Variants in SS18 observed in about 807,000 individuals in gnomAD.
The protein encoded by SS18 is SS18 subunit of BAF chromatin remodeling complex, also known as protein SSXT.
A neutral mutation model predicts 72.5 loss-of-function variants in SS18; 28 were observed. The ratio of observed to expected loss-of-function variants is 0.39; its 90% CI spans 0.29 to 0.53. The LOEUF is 0.53. Among genes scored for constraint, SS18 ranks in the 20% least tolerant of loss-of-function variants. The pLI, the probability that SS18 is intolerant of heterozygous loss-of-function variation, is 0.76. For missense variants in SS18, 518 were observed against 535.3 expected, an observed-to-expected ratio of 0.97 and a Z score of 0.32; for synonymous variants, 172 against 164.2, an observed-to-expected ratio of 1.05 and a Z score of -0.37.
At chr18:26,065,800 C>CATATCCATATATATATAT (rs1555651138) in intron 3 of SS18, among the ~76,000 whole-genome samples, 2 of 55,578 alleles carry the variant, frequency 3.6e-5, no homozygotes, top group Non-Finnish European at 4.4e-5. Flanking sequence ...CCTACAAATC[C>CATATCCATATATATATAT]ATATATATAT....
rs1363595667 is a variant in SS18 at position 26,016,372 on chromosome 18, T to C, written c.*1982A>G. The C allele has an allele frequency of 1.1e-5, 2 of 183,680 alleles. No individual in the cohort carries two copies. The highest frequency in any genetic ancestry group is 4.7e-5 in the African/African-American group (2 of 42,666). 11.4% of individuals were successfully genotyped at this position (183,680 alleles called of 1,614,324 possible). The stretch of plus-strand genomic sequence containing the variant: ...AAGCATTTCAATCACAATAAGGCTG[T>C]CCATGATTTATCTGTTCAAACTTGA... On this transcript the variant is annotated 3_prime_UTR_variant, in exon 11 of 11. Transcript: ENST00000415083.
intron 3 of SS18, among the ~76,000 whole-genome samples, chr18:26,060,803 A>AAAAAAAAC: frequency 1.5e-5 from 2 of 137,914 alleles, no homozygotes; most frequent in East Asian, 2.1e-4. Context: ...AAAAAAAAAA[A>AAAAAAAAC]AAATCAGCCA....
In SS18 at chr18:26,019,656, C is replaced by G. The variant is rs148337414; in HGVS notation, c.1231-1276G>C. 5.6e-3 allele frequency among the ~76,000 whole-genome samples: 855 copies of G among 151,718 alleles called. 11 individuals are homozygous for G. Among genetic ancestry groups the G allele is most frequent in the African/African-American group, 0.019 (807 of 41,400 alleles). On this transcript the variant is annotated intron_variant, in intron 10 of 10. Transcript: ENST00000415083. ...TGAAACCCCGTCTTTACTAAAAATA[C>G]AAAAATTAGCTGGGCGTGGTGGCGC... is the stretch of plus-strand genomic sequence containing the variant.
intron 2 of SS18, chr18:26,078,981 A>G (rs562673457): frequency 6.6e-6 from 1 of 152,372 alleles, no homozygotes; most frequent in East Asian, 1.9e-4. Flanking sequence ...ATGTTCTGCT[A>G]AAATTTAGGA....
At chr18:26,040,291 G>A (rs113301949) in intron 5 of SS18, among the ~76,000 whole-genome samples, 2,317 of 152,218 alleles carry the variant, frequency 0.015, 63 homozygotes, top group African/African-American at 0.053. Flanking sequence ...AATAAACAAT[G>A]GCCATAAAGT....
chr18:26,076,409 A>G (rs934873744), intron 3 of SS18, among the ~76,000 whole-genome samples: 2 of 151,970 alleles, frequency 1.3e-5, no homozygotes, highest in Non-Finnish European at 2.9e-5. Context: ...GCATGACAAA[A>G]TATCTTGTTT....
At chr18:26,080,410 GT>G in intron 2 of SS18, 1 of 985,208 alleles carries the variant, frequency 1.0e-6, no homozygotes, top group Admixed American at 6.1e-5. Context: ...AACAGATGTG[GT>G]TTATTCATGA....
chr18:26,063,531 T>A (rs546498573), intron 3 of SS18, among the ~76,000 whole-genome samples: 92 of 151,778 alleles, frequency 6.1e-4, no homozygotes, highest in Admixed American at 2.6e-3. Flanking sequence ...AAGAAAAAAA[T>A]AATAATAATA....
At chr18:26,074,164 T>C (rs1301323592) in intron 3 of SS18, among the ~76,000 whole-genome samples, 1 of 152,136 alleles carries the variant, frequency 6.6e-6, no homozygotes. Flanking sequence ...AGTAAACTTA[T>C]ACTTTCCAAA....
chr18:26,090,152 G>T (rs914403421), intron 1 of SS18: 14 of 275,254 alleles, frequency 5.1e-5, no homozygotes, highest in Non-Finnish European at 7.4e-5. Context: ...GGAGCAACGC[G>T]CGGGGCCGCC....
rs1200524698 is a variant in SS18 at position 26,016,509 on chromosome 18, G to T, written c.*1845C>A. ...AGGCCGAGGCGGGTGGATCACCTGA[G>T]GTCAGGAGTTCGAGACCAGCCTGGC... On this transcript the variant is annotated 3_prime_UTR_variant, in exon 11 of 11. Coordinates refer to ENST00000415083, the MANE Select transcript of SS18 (RefSeq NM_001007559.3). 1 of 180,480 alleles carries T rather than the reference G, an allele frequency of 5.5e-6. No homozygotes were observed. Among genetic ancestry groups the T allele is most frequent in the Non-Finnish European group, 1.2e-5 (1 of 84,404 alleles). The allele number at this position is 180,480 out of a possible 1,614,324, so 11.2% of individuals were successfully genotyped here.
chr18:26,064,982 T>C (rs932380040), intron 3 of SS18: 2 of 152,110 alleles, frequency 1.3e-5, no homozygotes, highest in Non-Finnish European at 2.9e-5. Flanking sequence ...ATTTAAAAAC[T>C]GATGGCATAA....
chr18:26,035,208 C>A lies in SS18; in HGVS notation c.974-81G>T. 2 of 1,447,106 alleles carry A rather than the reference C, an allele frequency of 1.4e-6. No homozygotes were observed. Among genetic ancestry groups the A allele is most frequent in the Non-Finnish European group, 1.9e-6 (2 of 1,067,890 alleles). The allele number at this position is 1,447,106 out of a possible 1,614,324, so 89.6% of individuals were successfully genotyped here. ...TTTTCCCTCTAAGATGCATAGCCAACAACACAAGAACAAAATGAAATGCCA... is the reference window on the plus strand; with the variant it reads ...TTTTCCCTCTAAGATGCATAGCCAAAAACACAAGAACAAAATGAAATGCCA... On this transcript the variant is annotated intron_variant, in intron 8 of 10. Transcript: ENST00000415083. This position sits in a 1 kb window ranked among gnomAD's most constrained non-coding sequence, Gnocchi z 4.4.
At chr18:26,034,896 A>G in intron 9 of SS18, 109 bp downstream of exon 9, 1 of 1,398,218 alleles carries the variant, frequency 7.2e-7, no homozygotes, top group Non-Finnish European at 9.5e-7. Context: ...CTAAAACTGA[A>G]TTTTCAAGTG....
rs552995006 is a variant in SS18 at position 26,017,398 on chromosome 18, G to A, written c.*956C>T. The A allele has an allele frequency of 3.1e-5, 6 of 192,376 alleles. No individual in the cohort carries two copies. The highest frequency in any genetic ancestry group is 6.5e-5 in the Non-Finnish European group (6 of 91,842). 11.9% of individuals were successfully genotyped at this position (192,376 alleles called of 1,614,324 possible). ...CTCAATATTACAAAATAAAATGACT[G>A]GATCAATGTTGACTCTTCTTTGATA... On this transcript the variant is annotated 3_prime_UTR_variant, in exon 11 of 11. Coordinates refer to ENST00000415083, the MANE Select transcript of SS18 (RefSeq NM_001007559.3).
chr18:26,019,789 CAAAAAAAAAAAAAAAA>C (rs869179852), intron 10 of SS18, among the ~76,000 whole-genome samples: 2 of 62,542 alleles, frequency 3.2e-5, no homozygotes, highest in East Asian at 5.3e-4. Context: ...AACTCTGTCT[CAAAAAAAAAAAAAAAA>C]AAAAAAAAAA....
At chr18:26,061,315 AAAATAAAT>A (rs71169808) in intron 3 of SS18, among the ~76,000 whole-genome samples, 1 of 152,194 alleles carries the variant, frequency 6.6e-6, no homozygotes, top group African/African-American at 2.4e-5. Flanking sequence ...TCCGTCTCAA[AAAATAAAT>A]AAATAAATAA....
intron 3 of SS18, among the ~76,000 whole-genome samples, chr18:26,060,175 A>G (rs1457616811): frequency 1.3e-5 from 2 of 152,258 alleles, no homozygotes; most frequent in Non-Finnish European, 2.9e-5. Flanking sequence ...ATGGATAAAC[A>G]AAACGTGGCA....
intron 2 of SS18, among the ~76,000 whole-genome samples, chr18:26,078,838 G>A (rs909790173): frequency 4.6e-5 from 7 of 152,190 alleles, no homozygotes; most frequent in African/African-American, 1.7e-4. Context: ...AGTGAGCCGA[G>A]ATCATGCCAC....
Sources: allele counts gnomAD v4.1 joint callset (sites outside exome capture counted in the v4.1 genomes callset), GRCh38; gene constraint gnomAD v4.1.1; non-coding constraint Gnocchi (gnomAD v3.1); transcripts MANE v1.5; gene names NCBI Gene and HGNC (gene_info 2026-07-23, HGNC 2026-07-21).